Variants in HEATR4 observed in about 807,000 individuals in gnomAD.
HEATR4 encodes the protein HEAT repeat-containing protein 4.
In HEATR4, 95 loss-of-function variants were observed where a neutral mutation model predicts 108.8. The ratio of observed to expected loss-of-function variants is 0.87; its 90% CI spans 0.74 to 1.04. HEATR4 has a LOEUF of 1.04. Among genes scored for constraint, HEATR4 ranks in the 50% least tolerant of loss-of-function variants. The probability of loss-of-function intolerance (pLI) is 0.00; values close to 1 mark genes in which losing one functional copy is unlikely to be tolerated. For missense variants in HEATR4, 1,152 were observed against 1,253.8 expected (o/e 0.92, Z 1.23); for synonymous variants, 443 against 459.4 (o/e 0.96, Z 0.46).
At position 73,551,674 on chromosome 14, in the gene HEATR4, G is replaced by T. The variant is rs1322895254; in HGVS notation, c.-152+7077C>A. On this transcript the variant is annotated intron_variant, in intron 1 of 17. Transcript: ENST00000553558. ...AATACACAAATTAGCCGGGTGTGGT[G>T]GTGCGCACCTGTAGTCCCAGCTACT... Among the ~76,000 whole-genome samples, 7 of 111,756 alleles carry T rather than the reference G, an allele frequency of 6.3e-5. 2 individuals carry two copies. The highest frequency in any genetic ancestry group is 2.1e-4 in the Admixed American group (2 of 9,710). The allele number at this position is 111,756 out of a possible 152,430, so 73.3% of individuals were successfully genotyped here. A position where few individuals can be genotyped will look rare whatever the true frequency, so the allele number is the denominator to read the frequency against.
the HEATR4 span, among the ~76,000 whole-genome samples, chr14:73,576,800 A>AC: frequency 2.1e-5 from 3 of 143,562 alleles, no homozygotes; most frequent in South Asian, 6.5e-4. Flanking sequence ...TCTCAAAAAA[A>AC]AAAAAAAAAA....
intron 1 of HEATR4, among the ~76,000 whole-genome samples, chr14:73,556,443 A>C (rs1434565879): frequency 8.8e-6 from 1 of 113,620 alleles, no homozygotes; most frequent in Admixed American, 1.0e-4. Context: ...AAAAACAAAA[A>C]AAACTTAAGG....
chr14:73,581,064 C>T, the HEATR4 span: 1 of 151,734 alleles, frequency 6.6e-6, no homozygotes, highest in Admixed American at 6.6e-5. Context: ...TATATTAACA[C>T]ACTGTGAAAG....
At position 73,490,993 on chromosome 14, in the gene HEATR4, C is replaced by T. The variant is rs759687004; in HGVS notation, c.2844+2073G>A. ...TTAGCTTCGCCCCCGGCCGGCCGGG[C>T]GGGGAAGACTGGTGTGGTCTGGCCA... is the stretch of plus-strand genomic sequence containing the variant. On this transcript the variant is annotated intron_variant, in intron 17 of 17. Coordinates refer to ENST00000553558, the MANE Select transcript of HEATR4 (RefSeq NM_001220484.1). The T allele has an allele frequency of 5.1e-5, 69 of 1,348,166 alleles. 1 individual carries two copies. The highest frequency in any genetic ancestry group is 2.6e-4 in the Middle Eastern group (1 of 3,890). 83.5% of individuals were successfully genotyped at this position (1,348,166 alleles called of 1,614,324 possible).
the HEATR4 span, among the ~76,000 whole-genome samples, chr14:73,629,663 G>A: frequency 7.7e-6 from 1 of 129,418 alleles, no homozygotes; most frequent in Non-Finnish European, 1.7e-5. Flanking sequence ...TTTTTTTTTT[G>A]AGATGGAGTC....
chr14:73,480,871 C>T (rs1885223450), intron 17 of HEATR4: 1 of 151,810 alleles, frequency 6.6e-6, no homozygotes, highest in South Asian at 2.1e-4. Flanking sequence ...ACAAAAATTA[C>T]CTGGGCGTGG....
chr14:73,555,992 C>G (rs1317621446), intron 1 of HEATR4, among the ~76,000 whole-genome samples: 2 of 113,074 alleles, frequency 1.8e-5, no homozygotes, highest in African/African-American at 5.7e-5. Context: ...ATAACAAGAG[C>G]AAAACTCTAT....
intron 17 of HEATR4, among the ~76,000 whole-genome samples, chr14:73,483,639 C>T (rs1268479247): frequency 1.3e-5 from 2 of 151,558 alleles, no homozygotes; most frequent in Non-Finnish European, 2.9e-5. Flanking sequence ...GAAATGTGAG[C>T]GTTTTTTTTT....
the HEATR4 span, among the ~76,000 whole-genome samples, chr14:73,583,773 A>G: frequency 6.6e-6 from 1 of 151,886 alleles, no homozygotes; most frequent in African/African-American, 2.4e-5. Flanking sequence ...GCTGAGGTGG[A>G]TGGGTCACCT....
chr14:73,592,454 G>A, the HEATR4 span: 2 of 1,461,104 alleles, frequency 1.4e-6, no homozygotes, highest in Non-Finnish European at 1.8e-6. Flanking sequence ...GAGCGTCAGT[G>A]GCCTGAGTCT....
At chr14:73,626,561 T>C in the HEATR4 span, among the ~76,000 whole-genome samples, 1 of 152,148 alleles carries the variant, frequency 6.6e-6, no homozygotes, top group African/African-American at 2.4e-5. Flanking sequence ...GGTGTGATGG[T>C]TCATGCCTGT....
chr14:73,543,651 T>G (rs1889181325), intron 1 of HEATR4: 1 of 759,056 alleles, frequency 1.3e-6, no homozygotes, highest in Non-Finnish European at 1.9e-6. Flanking sequence ...CCATCAAAAG[T>G]GTAAATTTTA....
intron 17 of HEATR4, among the ~76,000 whole-genome samples, chr14:73,487,460 G>A (rs773934193): frequency 6.6e-6 from 1 of 152,100 alleles, no homozygotes; most frequent in African/African-American, 2.4e-5. Context: ...CAGCTACTCG[G>A]GAGGCTGAGG....
upstream of HEATR4, among the ~76,000 whole-genome samples, chr14:73,563,648 CATT>C (rs1227629115): frequency 3.3e-5 from 5 of 151,664 alleles, no homozygotes; most frequent in African/African-American, 1.2e-4. Context: ...TACTTAATAT[CATT>C]GATTTGTACA....
intron 13 of HEATR4, among the ~76,000 whole-genome samples, chr14:73,498,714 T>C (rs1886245182): frequency 6.6e-6 from 1 of 152,206 alleles, no homozygotes. Context: ...GGGTTTTAGG[T>C]CTGTAGCAGT....
At position 73,514,022 on chromosome 14, in the gene HEATR4, T is replaced by G. The variant is rs752429732; in HGVS notation, c.1414+9A>C. ...AACGTACAGTATCACAGGACCTCCC[T>G]TCACTCACTCAGAGCCCAGGCAGTC... On this transcript the variant is annotated intron_variant, in intron 6 of 17. Transcript: ENST00000553558. The G allele has an allele frequency of 6.2e-7, 1 of 1,613,776 alleles. No homozygotes were observed. Among genetic ancestry groups the G allele is most frequent in the East Asian group, 2.2e-5 (1 of 44,892 alleles).
chr14:73,489,381 A>G (rs1349294938), intron 17 of HEATR4, among the ~76,000 whole-genome samples: 1 of 152,236 alleles, frequency 6.6e-6, no homozygotes, highest in African/African-American at 2.4e-5. Context: ...GTGTTTGGAT[A>G]GGCTTGCAAC....
At chr14:73,551,140 A>G (rs11159024) in intron 1 of HEATR4, among the ~76,000 whole-genome samples, 9,885 of 108,008 alleles carry the variant, frequency 0.092, 2,298 homozygotes, top group African/African-American at 0.26. Flanking sequence ...CTCCAGCCTG[A>G]GTGACAGTGT....
the HEATR4 span, among the ~76,000 whole-genome samples, chr14:73,610,170 G>A: frequency 6.6e-6 from 1 of 151,994 alleles, no homozygotes; most frequent in Non-Finnish European, 1.5e-5. Flanking sequence ...CTTGGGGGTA[G>A]GCCACAGCTC....
Sources: allele counts gnomAD v4.1 joint callset (sites outside exome capture counted in the v4.1 genomes callset), GRCh38; gene constraint gnomAD v4.1.1; transcripts MANE v1.5; gene names NCBI Gene and HGNC (gene_info 2026-07-23, HGNC 2026-07-21).